Variants in ST3GAL3 observed in about 807,000 individuals in gnomAD.
The protein encoded by ST3GAL3 is CMP-N-acetylneuraminate-beta-1,4-galactoside alpha-2,3-sialyltransferase.
Under a neutral mutation model 50.1 loss-of-function variants are expected in ST3GAL3, and 21 were observed. The ratio of observed to expected loss-of-function variants is 0.42; its 90% confidence interval spans 0.30 to 0.60. ST3GAL3 has a LOEUF of 0.60. ST3GAL3 is among the 20% of genes least tolerant of loss of function. The probability of loss-of-function intolerance (pLI) is 0.19; values close to 1 mark genes in which losing one functional copy is unlikely to be tolerated. For missense variants in ST3GAL3, 353 were observed against 489.4 expected (o/e 0.72, Z 2.63); for synonymous variants, 183 against 190.0 (o/e 0.96, Z 0.30).
intron 2 of ST3GAL3, among the ~76,000 whole-genome samples, chr1:43,757,765 TA>T (rs59323270): frequency 6.0e-5 from 9 of 150,972 alleles, no homozygotes; most frequent in South Asian, 2.1e-4. Context: ...CAGAAAAGCA[TA>T]AAAAAAAACA....
At chr1:43,894,618 T>A (rs999534331) in intron 6 of ST3GAL3, 141 bp downstream of exon 6, 16 of 779,770 alleles carry the variant, frequency 2.1e-5, no homozygotes, top group Non-Finnish European at 3.5e-5. Context: ...TCTACCTTTT[T>A]CCCTTCCTTT....
intron 2 of ST3GAL3, among the ~76,000 whole-genome samples, chr1:43,764,306 T>C (rs370129148): frequency 6.6e-6 from 1 of 152,216 alleles, no homozygotes; most frequent in Non-Finnish European, 1.5e-5. Context: ...TAGTACATTC[T>C]GAATTTTTGC....
intron 5 of ST3GAL3, among the ~76,000 whole-genome samples, chr1:43,870,550 G>A (rs895232530): frequency 3.3e-5 from 5 of 152,080 alleles, no homozygotes; most frequent in African/African-American, 1.2e-4. Context: ...GTACATAAAA[G>A]GCCTGAAACC....
At chr1:43,874,127 A>G (rs192658449) in intron 5 of ST3GAL3, among the ~76,000 whole-genome samples, 1 of 152,240 alleles carries the variant, frequency 6.6e-6, no homozygotes, top group Non-Finnish European at 1.5e-5. Context: ...GGATGATTGT[A>G]TAAGTTACTA....
At chr1:43,843,809 A>G (rs1424059157) in intron 5 of ST3GAL3, among the ~76,000 whole-genome samples, 1 of 152,238 alleles carries the variant, frequency 6.6e-6, no homozygotes, top group African/African-American at 2.4e-5. Flanking sequence ...ATTCTTCAGC[A>G]GACACTAATG....
chr1:43,907,915 C>T (rs749925992), intron 9 of ST3GAL3, among the ~76,000 whole-genome samples: 2 of 152,158 alleles, frequency 1.3e-5, no homozygotes, highest in South Asian at 2.1e-4. Flanking sequence ...CCCTGTTTGC[C>T]GTCTGTTTCT....
chr1:43,897,648 C>T, intron 6 of ST3GAL3, among the ~76,000 whole-genome samples: 1 of 151,994 alleles, frequency 6.6e-6, no homozygotes, highest in East Asian at 1.9e-4. Context: ...CAGAGCCAGG[C>T]TCAGGGAGTA....
chr1:43,771,604 G>A (rs911302185), intron 2 of ST3GAL3, among the ~76,000 whole-genome samples: 17 of 152,216 alleles, frequency 1.1e-4, no homozygotes, highest in African/African-American at 3.6e-4. Context: ...TGATCTGCCC[G>A]CCTCGGCCTC....
chr1:43,829,070 T>G (rs2063188941), intron 4 of ST3GAL3, among the ~76,000 whole-genome samples: 1 of 151,816 alleles, frequency 6.6e-6, no homozygotes, highest in South Asian at 2.1e-4. Flanking sequence ...GGACTACTAT[T>G]CAGCACTAAA....
chr1:43,779,172 C>A (rs1330412607), intron 2 of ST3GAL3, among the ~76,000 whole-genome samples: 1 of 144,982 alleles, frequency 6.9e-6, no homozygotes, highest in Non-Finnish European at 1.5e-5. Flanking sequence ...AAACTCCTGA[C>A]CTCAGGTGAT....
chr1:43,756,911 A>C (rs1688327640), intron 2 of ST3GAL3, among the ~76,000 whole-genome samples: 1 of 151,988 alleles, frequency 6.6e-6, no homozygotes, highest in Non-Finnish European at 1.5e-5. Context: ...AATGTGTTTT[A>C]TTTTATTTTT....
At chr1:43,850,989 G>C in intron 5 of ST3GAL3, 1 of 878,498 alleles carries the variant, frequency 1.1e-6, no homozygotes, top group Non-Finnish European at 2.0e-6. Flanking sequence ...CTTGTGAGTG[G>C]TGGTGGCAGT....
At chr1:43,925,320 C>T (rs2083732578) in intron 11 of ST3GAL3, among the ~76,000 whole-genome samples, 1 of 81,054 alleles carries the variant, frequency 1.2e-5, no homozygotes, top group Non-Finnish European at 3.2e-5. Flanking sequence ...AAGAGTGTAG[C>T]TTCTCAAATC....
chr1:43,924,215 G>A (rs1393335478), intron 11 of ST3GAL3, among the ~76,000 whole-genome samples: 1 of 152,076 alleles, frequency 6.6e-6, no homozygotes, highest in Non-Finnish European at 1.5e-5. Context: ...GCTCATTGTG[G>A]GTCTGGGACA....
At chr1:43,927,851 G>A (rs1258633173) in intron 11 of ST3GAL3, among the ~76,000 whole-genome samples, 1 of 152,174 alleles carries the variant, frequency 6.6e-6, no homozygotes, top group Non-Finnish European at 1.5e-5. Context: ...ACAACGGGGT[G>A]TAAGGAAGAC....
Position 43,930,646 on chromosome 1 carries a change from T to C in ST3GAL3, c.*425T>C, listed in dbSNP as rs774967991. ...ACTTGCCATGCAGGAAGAGGCCCAC[T>C]AGAGGGCCCATCAGGCAGTGTTACC... On this transcript the variant is annotated 3_prime_UTR_variant, in exon 12 of 12. Coordinates refer to ENST00000347631, the MANE Select transcript of ST3GAL3 (RefSeq NM_006279.5). 3.1e-6 allele frequency: 1 copy of C among 326,766 alleles called. No individual in the cohort carries two copies. Among genetic ancestry groups the C allele is most frequent in the Admixed American group, 4.2e-5 (1 of 23,550 alleles). The allele number at this position is 326,766 out of a possible 1,614,324, so 20.2% of individuals were successfully genotyped here.
At chr1:43,853,605 G>T (rs144150155) in intron 5 of ST3GAL3, among the ~76,000 whole-genome samples, 2 of 152,234 alleles carry the variant, frequency 1.3e-5, no homozygotes, top group Admixed American at 1.3e-4. Context: ...CAGATGCCTG[G>T]TGGTAGCTAA....
intron 1 of ST3GAL3, among the ~76,000 whole-genome samples, chr1:43,724,205 T>C (rs1198270743): frequency 6.6e-6 from 1 of 151,786 alleles, no homozygotes; most frequent in African/African-American, 2.4e-5. Context: ...AAATATATTT[T>C]ATTTATTTAT....
At chr1:43,904,009 T>G (rs1028063901) in intron 9 of ST3GAL3, among the ~76,000 whole-genome samples, 1 of 152,162 alleles carries the variant, frequency 6.6e-6, no homozygotes, top group African/African-American at 2.4e-5. Context: ...GTTATGTTAT[T>G]TTATTTTTTT....
Sources: gnomAD v4.1 joint callset for allele counts (sites outside exome capture counted in the v4.1 genomes callset) on GRCh38, gnomAD v4.1.1 for gene constraint, MANE v1.5 for transcripts, NCBI Gene and HGNC (gene_info 2026-07-23, HGNC 2026-07-21) for gene names.